The following NPAS3 variants were observed in gnomAD, a reference collection of about 807,000 sequenced individuals.
NPAS3 encodes the protein neuronal PAS domain protein 3, also known as neuronal PAS domain-containing protein 3.
Under a neutral mutation model 73.1 loss-of-function variants are expected in NPAS3, and 14 were observed. That is an observed-to-expected ratio of 0.19 (90% CI 0.13 to 0.30). The LOEUF (loss-of-function observed/expected upper bound fraction) is 0.30. Among genes scored for constraint, NPAS3 ranks in the 10% least tolerant of loss-of-function variants. The probability of loss-of-function intolerance (pLI) is 1.00; values close to 1 mark genes in which losing one functional copy is unlikely to be tolerated. For missense variants in NPAS3, 1,096 were observed against 1,250.0 expected (o/e 0.88, Z 1.86); for synonymous variants, 620 against 541.5 (o/e 1.14, Z -2.01).
intron 3 of NPAS3, among the ~76,000 whole-genome samples, chr14:33,226,225 A>G (rs776353165): frequency 6.6e-5 from 10 of 152,202 alleles, no homozygotes; most frequent in Non-Finnish European, 1.3e-4. Context: ...GATCTTAATG[A>G]AGAGAAGCAT....
rs138550825 is a variant in NPAS3, at chr14:33,737,649, A to C, written c.852+2317A>C. On this transcript the variant is annotated intron_variant, in intron 7 of 11. Transcript: ENST00000356141. ...TCTTCCTCTCCTCCTCCTCATCTGC[A>C]GTGAACTTCCCTCATTAATTAACTT... Among the ~76,000 whole-genome samples the C allele has an allele frequency of 4.8e-3, 736 of 152,258 alleles. 3 individuals are homozygous for C. Among genetic ancestry groups the C allele is most frequent in the Non-Finnish European group, 7.3e-3 (496 of 68,002 alleles).
intron 1 of NPAS3, among the ~76,000 whole-genome samples, chr14:33,016,741 C>T (rs1201689115): frequency 6.6e-6 from 1 of 151,626 alleles, no homozygotes; most frequent in South Asian, 2.1e-4. Context: ...CCATTTATTT[C>T]TCTGTAACTC....
chr14:33,320,630 G>A (rs1229256828), intron 3 of NPAS3, among the ~76,000 whole-genome samples: 2 of 152,150 alleles, frequency 1.3e-5, no homozygotes, highest in African/African-American at 4.8e-5. Context: ...GGCATGCTGA[G>A]TGAGGACAGG....
At chr14:33,239,736 A>G (rs2048157024) in intron 3 of NPAS3, among the ~76,000 whole-genome samples, 5 of 151,880 alleles carry the variant, frequency 3.3e-5, no homozygotes, top group Admixed American at 3.3e-4. Flanking sequence ...TTTGCCCATT[A>G]TTGCATAAAT....
intron 3 of NPAS3, among the ~76,000 whole-genome samples, chr14:33,239,569 T>C (rs1254979462): frequency 6.6e-6 from 1 of 151,916 alleles, no homozygotes. Flanking sequence ...GATCATTTTC[T>C]ACAAATTTTC....
chr14:33,722,406 G>A (rs1340631210), intron 6 of NPAS3, among the ~76,000 whole-genome samples: 3 of 152,136 alleles, frequency 2.0e-5, no homozygotes, highest in African/African-American at 2.4e-5. Flanking sequence ...TATATAAATG[G>A]ATTTTTTTAA....
At chr14:32,996,801 T>C (rs1211136167) in intron 1 of NPAS3, among the ~76,000 whole-genome samples, 1 of 152,218 alleles carries the variant, frequency 6.6e-6, no homozygotes, top group Admixed American at 6.5e-5. Context: ...GAACCTCTGC[T>C]AGGGCAGTGG....
At chr14:33,430,591 T>C (rs2048743504) in intron 4 of NPAS3, among the ~76,000 whole-genome samples, 1 of 152,054 alleles carries the variant, frequency 6.6e-6, no homozygotes, top group African/African-American at 2.4e-5. Context: ...CACCCAGCAG[T>C]TTGAAAGCAC....
chr14:33,743,783 G>A (rs1334351825), intron 7 of NPAS3, among the ~76,000 whole-genome samples: 2 of 152,192 alleles, frequency 1.3e-5, no homozygotes, highest in Non-Finnish European at 2.9e-5. Flanking sequence ...TAGATCTTCT[G>A]AAGAATTTGC....
rs530896787 is a variant in NPAS3, at chr14:33,363,089, C to T, written c.386-4097C>T. ...TATGTGTGTCCACCGAGCTGTCCTG[C>T]TTCTGTTTTGTAATGGGTTCTTCCA... On this transcript the variant is annotated intron_variant, in intron 3 of 11. Transcript: ENST00000356141. 9.8e-5 allele frequency among the ~76,000 whole-genome samples: 15 copies of T among 152,288 alleles called. No homozygotes were observed. The East Asian group carries it at 1.4e-3, about 14-fold the overall frequency.
At chr14:33,491,482 G>A (rs757879748) in intron 4 of NPAS3, among the ~76,000 whole-genome samples, 3 of 152,134 alleles carry the variant, frequency 2.0e-5, no homozygotes, top group Non-Finnish European at 2.9e-5. Context: ...GGCACTAGCC[G>A]CCTGTGGCCG....
At chr14:33,182,406 C>T (rs1017403263) in intron 2 of NPAS3, among the ~76,000 whole-genome samples, 1 of 152,114 alleles carries the variant, frequency 6.6e-6, no homozygotes, top group Non-Finnish European at 1.5e-5. Flanking sequence ...TAAGCAATAT[C>T]TCATAGCATA....
chr14:33,676,171 T>TATAATGTCTTTCCTTC (rs768857200), intron 5 of NPAS3, 40 bp from the exon 6 acceptor site: 6 of 1,604,340 alleles, frequency 3.7e-6, no homozygotes, highest in Non-Finnish European at 4.3e-6. Flanking sequence ...GAGAAGCCTA[T>TATAATGTCTTTCCTTC]ATAATGTCTT....
chr14:33,131,514 TTAATA>T (rs1333838095), intron 2 of NPAS3, among the ~76,000 whole-genome samples: 18 of 152,108 alleles, frequency 1.2e-4, no homozygotes, highest in Admixed American at 2.6e-4. Context: ...TGTACAGTAT[TTAATA>T]TAAGTAATAA....
intron 7 of NPAS3, among the ~76,000 whole-genome samples, chr14:33,741,713 C>T (rs1368789806): frequency 6.6e-6 from 1 of 152,160 alleles, no homozygotes; most frequent in Non-Finnish European, 1.5e-5. Context: ...GAGGCATAAT[C>T]ACTAGCCATT....
At chr14:33,082,727 T>C (rs1163552274) in intron 2 of NPAS3, among the ~76,000 whole-genome samples, 3 of 152,246 alleles carry the variant, frequency 2.0e-5, no homozygotes, top group Non-Finnish European at 4.4e-5. Flanking sequence ...CTCTGCCACT[T>C]GGGGCCTTAA....
intron 5 of NPAS3, among the ~76,000 whole-genome samples, chr14:33,661,245 T>A (rs1206584117): frequency 2.0e-5 from 3 of 152,148 alleles, no homozygotes; most frequent in Non-Finnish European, 4.4e-5. Flanking sequence ...TTCCTTAATA[T>A]TAAAATAAAG....
At chr14:33,693,452 G>C (rs534383542) in intron 6 of NPAS3, among the ~76,000 whole-genome samples, 19 of 152,142 alleles carry the variant, frequency 1.2e-4, no homozygotes, top group Non-Finnish European at 2.2e-4. Context: ...CTCACATCTA[G>C]AGACTGTGTT....
intron 3 of NPAS3, among the ~76,000 whole-genome samples, chr14:33,223,071 A>G (rs534163707): frequency 6.6e-6 from 1 of 152,208 alleles, no homozygotes; most frequent in African/African-American, 2.4e-5. Flanking sequence ...GCACTTTGGG[A>G]GGCTGAAGCA....
Sources: gnomAD v4.1 joint callset for allele counts (sites outside exome capture counted in the v4.1 genomes callset) on GRCh38, gnomAD v4.1.1 for gene constraint, MANE v1.5 for transcripts, NCBI Gene and HGNC (gene_info 2026-07-23, HGNC 2026-07-21) for gene names.